CSNK2A2IP: variants seen among roughly 807,000 people sequenced by gnomAD.
The protein encoded by CSNK2A2IP is casein kinase 2 subunit alpha' interacting protein.
chr3:88,431,128 C>T, the CSNK2A2IP span: 1 of 152,224 alleles, frequency 6.6e-6, no homozygotes, highest in East Asian at 1.9e-4. Flanking sequence ...AAATTAAATT[C>T]CAGGATAACA....
the CSNK2A2IP span, among the ~76,000 whole-genome samples, chr3:88,411,350 C>CATCTATCTATCTATCTATCTATCT: frequency 6.8e-6 from 1 of 146,658 alleles, no homozygotes; most frequent in Non-Finnish European, 1.5e-5. Context: ...CTCTATCTAT[C>CATCTATCTATCTATCTATCTATCT]ATCTATCTAT....
At chr3:88,466,911 A>G in the CSNK2A2IP span, 1 of 1,230,706 alleles carries the variant, frequency 8.1e-7, no homozygotes, top group South Asian at 4.1e-5. Flanking sequence ...TAGAAGTGAA[A>G]TTAGTTCTTA....
At chr3:88,344,277 A>C in the CSNK2A2IP span, among the ~76,000 whole-genome samples, 1 of 151,780 alleles carries the variant, frequency 6.6e-6, no homozygotes, top group Admixed American at 6.6e-5. Context: ...TTTAGAAAAA[A>C]TGAAAGCTTT....
chr3:88,453,798 AT>A, the CSNK2A2IP span, among the ~76,000 whole-genome samples: 1 of 152,058 alleles, frequency 6.6e-6, no homozygotes, highest in Admixed American at 6.6e-5. Flanking sequence ...AGTGGCAGGT[AT>A]ACTCCCTTAC....
At chr3:88,452,425 G>A in the CSNK2A2IP span, among the ~76,000 whole-genome samples, 1 of 152,130 alleles carries the variant, frequency 6.6e-6, no homozygotes. Context: ...AAGTTAGGCT[G>A]ACTCAGCACT....
chr3:88,427,521 C>A, the CSNK2A2IP span, among the ~76,000 whole-genome samples: 78 of 152,276 alleles, frequency 5.1e-4, no homozygotes, highest in East Asian at 0.013. Context: ...CCATCACAGG[C>A]CTGGGGGCAT....
At chr3:88,346,395 A>G in the CSNK2A2IP span, among the ~76,000 whole-genome samples, 1 of 152,174 alleles carries the variant, frequency 6.6e-6, no homozygotes, top group Middle Eastern at 3.4e-3. Context: ...CAGGGCTTTC[A>G]TATCTACAAA....
the CSNK2A2IP span, among the ~76,000 whole-genome samples, chr3:88,451,930 T>C: frequency 6.6e-6 from 1 of 152,082 alleles, no homozygotes; most frequent in Non-Finnish European, 1.5e-5. Context: ...TTTACAATAA[T>C]TTTTTGAATT....
chr3:88,371,746 C>A, the CSNK2A2IP span, among the ~76,000 whole-genome samples: 1 of 151,594 alleles, frequency 6.6e-6, no homozygotes, highest in African/African-American at 2.4e-5. Flanking sequence ...CACATCTACA[C>A]ATATTATAGT....
the CSNK2A2IP span, among the ~76,000 whole-genome samples, chr3:88,363,523 T>C: frequency 6.6e-6 from 1 of 152,230 alleles, no homozygotes; most frequent in African/African-American, 2.4e-5. Flanking sequence ...TTCATTTTAC[T>C]GATTTTTCTC....
At chr3:88,429,964 T>C in the CSNK2A2IP span, among the ~76,000 whole-genome samples, 121,861 of 150,294 alleles carry the variant, frequency 0.81, 50,081 homozygotes, top group Non-Finnish European at 0.88. Context: ...GGTTTCACCA[T>C]GTTAGTCAGG....
chr3:88,342,464 T>C, the CSNK2A2IP span, among the ~76,000 whole-genome samples: 5 of 151,928 alleles, frequency 3.3e-5, no homozygotes, highest in African/African-American at 1.2e-4. Context: ...GTAGGTCACT[T>C]TCCTTTTGCT....
At chr3:88,371,535 A>C in the CSNK2A2IP span, among the ~76,000 whole-genome samples, 1 of 151,734 alleles carries the variant, frequency 6.6e-6, no homozygotes, top group Admixed American at 6.6e-5. Flanking sequence ...AGAAAAATGA[A>C]CAAAGCTTCC....
chr3:88,378,699 G>A, the CSNK2A2IP span, among the ~76,000 whole-genome samples: 2 of 151,890 alleles, frequency 1.3e-5, no homozygotes, highest in African/African-American at 4.8e-5. Flanking sequence ...TTATATTATG[G>A]TAGCATACAC....
At chr3:88,354,053 G>A in the CSNK2A2IP span, among the ~76,000 whole-genome samples, 1 of 152,042 alleles carries the variant, frequency 6.6e-6, no homozygotes, top group Non-Finnish European at 1.5e-5. Context: ...TGACACCTCT[G>A]TCTCTCTCTC....
the CSNK2A2IP span, among the ~76,000 whole-genome samples, chr3:88,354,093 G>A: frequency 6.6e-6 from 1 of 152,216 alleles, no homozygotes; most frequent in South Asian, 2.1e-4. Flanking sequence ...GTGACATCCT[G>A]CTCTCCATCT....
chr3:88,379,919 A>C, the CSNK2A2IP span, among the ~76,000 whole-genome samples: 3 of 152,262 alleles, frequency 2.0e-5, no homozygotes, highest in African/African-American at 7.2e-5. Flanking sequence ...ACTTCCGCAG[A>C]AGTGATTCTC....
the CSNK2A2IP span, among the ~76,000 whole-genome samples, chr3:88,414,458 A>G: frequency 6.6e-6 from 1 of 150,958 alleles, no homozygotes; most frequent in East Asian, 2.0e-4. Context: ...AATTTTAGTA[A>G]TTTTAGTAGA....
At chr3:88,398,133 C>A in the CSNK2A2IP span, among the ~76,000 whole-genome samples, 3 of 152,070 alleles carry the variant, frequency 2.0e-5, no homozygotes, top group Admixed American at 2.0e-4. Context: ...AAATTAAATG[C>A]CCTAATGTAG....
Sources: gnomAD v4.1 joint callset for allele counts (sites outside exome capture counted in the v4.1 genomes callset) on GRCh38, gnomAD v4.1.1 for gene constraint, MANE v1.5 for transcripts, NCBI Gene and HGNC (gene_info 2026-07-23, HGNC 2026-07-21) for gene names.